STEAP3: variants seen among roughly 807,000 people sequenced by gnomAD.
STEAP3 encodes the protein metalloreductase STEAP3.
STEAP3 carries 35 observed loss-of-function variants against 34.9 expected under a neutral mutation model. The observed-to-expected ratio is 1.00, with a 90% CI of 0.76 to 1.33. STEAP3 has a LOEUF of 1.33. Among genes scored for constraint, STEAP3 ranks in the 40% most tolerant of loss-of-function variants. The pLI, the probability that STEAP3 is intolerant of heterozygous loss-of-function variation, is 0.00. For missense variants in STEAP3, 652 were observed against 667.6 expected (o/e 0.98, Z 0.26); for synonymous variants, 281 against 301.6 (o/e 0.93, Z 0.71).
At chr2:119,225,726 G>A (rs1679016121) in intron 1 of STEAP3, among the ~76,000 whole-genome samples, 1 of 152,238 alleles carries the variant, frequency 6.6e-6, no homozygotes, top group Non-Finnish European at 1.5e-5. Context: ...CTGGCTGAGT[G>A]CTGGGGATAG....
intron 3 of STEAP3, chr2:119,246,533 CA>C (rs1174352719): frequency 5.2e-5 from 8 of 155,290 alleles, no homozygotes; most frequent in African/African-American, 1.9e-4. Flanking sequence ...CTTACCAAGA[CA>C]AGGTGGTTTT....
chr2:119,245,418 A>G, intron 2 of STEAP3, 71 bp from the exon 3 acceptor site: 1 of 1,516,350 alleles, frequency 6.6e-7, no homozygotes, highest in Non-Finnish European at 8.8e-7. Flanking sequence ...TACGATGTAT[A>G]AGAGGAGGGA....
chr2:119,245,919 A>G lies in STEAP3; in HGVS notation c.453A>G (p.Thr151=). ...EYLASLFPTC[T]VVKAFNVISA... ...TGGCCTCCCTCTTCCCCACTTGCAC[A>G]GTGGTCAAGGCCTTCAATGTCATCT... Residue 151 remains threonine (T), a synonymous_variant, in exon 3 of 6, where the codon ACA becomes ACG. Transcript: ENST00000393110. The G allele has an allele frequency of 5.6e-6, 9 of 1,614,046 alleles. No individual in the cohort carries two copies. Among genetic ancestry groups the G allele is most frequent in the Non-Finnish European group, 7.6e-6 (9 of 1,180,036 alleles).
At position 119,254,591 on chromosome 2, in the gene STEAP3, C is replaced by T. The variant is rs1233654334; in HGVS notation, c.1051-93C>T. Reference sequence around the variant, plus strand: ...TAGCGTCAGGTGCAGTGTGAGCGCCCGCCGTCTTGTCTTTCTTGTGTCCTT... The same window carrying T: ...TAGCGTCAGGTGCAGTGTGAGCGCCTGCCGTCTTGTCTTTCTTGTGTCCTT... On this transcript the variant is annotated intron_variant, in intron 4 of 5. Transcript: ENST00000393110. 7.5e-6 allele frequency: 11 copies of T among 1,469,916 alleles called. No individual in the cohort carries two copies. In the South Asian group the frequency reaches 8.3e-5, roughly 11 times the overall value. 91.1% of individuals were successfully genotyped at this position (1,469,916 alleles called of 1,614,324 possible).
At chr2:119,231,851 T>C (rs762304030) in intron 2 of STEAP3, among the ~76,000 whole-genome samples, 2 of 151,944 alleles carry the variant, frequency 1.3e-5, no homozygotes, top group Admixed American at 1.3e-4. Context: ...AATCTACCAA[T>C]TAGATGTGTG....
At chr2:119,257,629 T>A (rs1210494372) in intron 5 of STEAP3, 1 of 1,487,576 alleles carries the variant, frequency 6.7e-7, no homozygotes, top group East Asian at 2.6e-5. Flanking sequence ...CAAGAGGATT[T>A]GAGCTGGACA....
chr2:119,234,769 C>T (rs1677046410), intron 2 of STEAP3, among the ~76,000 whole-genome samples: 1 of 152,210 alleles, frequency 6.6e-6, no homozygotes, highest in Admixed American at 6.5e-5. Flanking sequence ...ATGTAAATGG[C>T]ACCTCCTAAA....
rs141806810 is a variant in STEAP3 at position 119,259,079 on chromosome 2, C to G, written c.1216-3978C>G. 6.7e-3 allele frequency among the ~76,000 whole-genome samples: 1,024 copies of G among 152,172 alleles called. 7 individuals carry two copies. Among genetic ancestry groups the G allele is most frequent in the Middle Eastern group, 0.02 (6 of 294 alleles). On this transcript the variant is annotated intron_variant, in intron 5 of 5. Coordinates refer to ENST00000393110, the MANE Select transcript of STEAP3 (RefSeq NM_182915.3). ...AAAAATGAGGGTTCAGCTTTTAGAACCTAAGTTCTTTCCCAGAGTTAGAGG... is the reference window on the plus strand; with the variant it reads ...AAAAATGAGGGTTCAGCTTTTAGAAGCTAAGTTCTTTCCCAGAGTTAGAGG...
chr2:119,238,316 A>T (rs1009369594), intron 2 of STEAP3, among the ~76,000 whole-genome samples: 2 of 152,222 alleles, frequency 1.3e-5, no homozygotes, highest in African/African-American at 4.8e-5. Flanking sequence ...CTTTTAAAAA[A>T]ATATATCATT....
intron 1 of STEAP3, among the ~76,000 whole-genome samples, chr2:119,228,633 T>G (rs1679115227): frequency 6.6e-6 from 1 of 151,636 alleles, no homozygotes; most frequent in Non-Finnish European, 1.5e-5. Context: ...GGGTGATGGG[T>G]GGGTGGAGGG....
intron 4 of STEAP3, among the ~76,000 whole-genome samples, chr2:119,253,391 T>C (rs1290694076): frequency 6.6e-6 from 1 of 152,170 alleles, no homozygotes; most frequent in Non-Finnish European, 1.5e-5. Flanking sequence ...CTTTAAACTT[T>C]CTCTTATAAG....
At chr2:119,238,036 A>G (rs1174014006) in intron 2 of STEAP3, among the ~76,000 whole-genome samples, 1 of 152,220 alleles carries the variant, frequency 6.6e-6, no homozygotes, top group African/African-American at 2.4e-5. Context: ...CACCGGATGG[A>G]TAGGCCACAT....
chr2:119,241,642 G>A (rs1187719636), intron 2 of STEAP3, among the ~76,000 whole-genome samples: 1 of 152,182 alleles, frequency 6.6e-6, no homozygotes, highest in Non-Finnish European at 1.5e-5. Flanking sequence ...AGAGGCCCAG[G>A]GACCTCCTAT....
At chr2:119,244,925 A>G (rs1370088068) in intron 2 of STEAP3, 1 of 154,724 alleles carries the variant, frequency 6.5e-6, no homozygotes, top group South Asian at 2.0e-4. Context: ...GTGCCAGGCT[A>G]TGATACACAG....
intron 5 of STEAP3, among the ~76,000 whole-genome samples, chr2:119,260,196 C>A (rs34500135): frequency 6.6e-6 from 1 of 151,878 alleles, no homozygotes; most frequent in African/African-American, 2.4e-5. Flanking sequence ...ACCCAGCCAT[C>A]TTGGCAACAC....
At chr2:119,239,768 C>G (rs946063986) in intron 2 of STEAP3, among the ~76,000 whole-genome samples, 2 of 152,186 alleles carry the variant, frequency 1.3e-5, no homozygotes, top group Non-Finnish European at 2.9e-5. Context: ...TAGTCCACTG[C>G]CTGGCCCTCC....
chr2:119,224,222 A>G (rs1014436354), intron 1 of STEAP3, among the ~76,000 whole-genome samples: 4 of 152,148 alleles, frequency 2.6e-5, no homozygotes, highest in Non-Finnish European at 5.9e-5. Flanking sequence ...GGCTGAGTCC[A>G]CAGGTCCCGT....
At chr2:119,260,057 A>G (rs1408397368) in intron 5 of STEAP3, among the ~76,000 whole-genome samples, 3 of 152,324 alleles carry the variant, frequency 2.0e-5, no homozygotes, top group Non-Finnish European at 2.9e-5. Context: ...CTTAATCTGA[A>G]TTTCTGGAAG....
chr2:119,263,092 A>C lies in STEAP3; in HGVS notation c.1251A>C (p.Thr417=), dbSNP rs777797898. The C allele has an allele frequency of 3.7e-6, 6 of 1,610,070 alleles. No individual in the cohort carries two copies. The highest frequency in any genetic ancestry group is 4.2e-6 in the Non-Finnish European group (5 of 1,179,968). The change falls in exon 6 of 6, where the codon ACA becomes ACC. Residue 417 remains threonine, a synonymous_variant. Transcript: ENST00000393110. ...SLGFVALVLS[T]LHTLTYGWTR... is the part of the protein sequence containing the mutation. ...GCTTTGTGGCCCTCGTGCTGAGCAC[A>C]CTGCACACGCTCACCTACGGCTGGA...
Sources: gnomAD v4.1 joint callset for allele counts (sites outside exome capture counted in the v4.1 genomes callset) on GRCh38, gnomAD v4.1.1 for gene constraint, MANE v1.5 for transcripts, NCBI Gene and HGNC (gene_info 2026-07-23, HGNC 2026-07-21) for gene names.